HTT-AS: variants seen among roughly 807,000 people sequenced by gnomAD.
HTT-AS encodes the protein HTT antisense RNA (head to head).
downstream of HTT-AS, among the ~76,000 whole-genome samples, chr4:3,046,526 C>T (rs558737706): frequency 6.6e-6 from 1 of 152,316 alleles, no homozygotes; most frequent in African/African-American, 2.4e-5. Flanking sequence ...CCTTCTCAGG[C>T]CATATTTAGT....
chr4:3,061,590 G>A (rs191347512), intron 2 of HTT-AS, among the ~76,000 whole-genome samples: 2 of 151,370 alleles, frequency 1.3e-5, no homozygotes, highest in Admixed American at 6.6e-5. Context: ...GCTGAGGCAG[G>A]AGAATAGCTT....
chr4:3,073,649 G>A (rs1002300254), intron 1 of HTT-AS, among the ~76,000 whole-genome samples: 7 of 152,006 alleles, frequency 4.6e-5, no homozygotes, highest in African/African-American at 9.7e-5. Context: ...CCCTTCCGGG[G>A]CGCTGCGCTG....
intron 2 of HTT-AS, among the ~76,000 whole-genome samples, chr4:3,055,392 A>C (rs1375899265): frequency 2.6e-5 from 4 of 152,150 alleles, no homozygotes; most frequent in Non-Finnish European, 4.4e-5. Context: ...GAGGGCCTCT[A>C]ACCCAATCCC....
At chr4:3,060,801 C>A (rs1560530392) in intron 2 of HTT-AS, among the ~76,000 whole-genome samples, 2 of 152,162 alleles carry the variant, frequency 1.3e-5, no homozygotes, top group African/African-American at 4.8e-5. Context: ...ACATAGTGTC[C>A]CCCGAGTAGA....
chr4:3,060,826 A>G (rs1193496847), intron 2 of HTT-AS, among the ~76,000 whole-genome samples: 1 of 152,214 alleles, frequency 6.6e-6, no homozygotes, highest in Non-Finnish European at 1.5e-5. Flanking sequence ...AATTTGCATA[A>G]TAAAAGGTGA....
chr4:3,047,906 G>A (rs1711626340), downstream of HTT-AS, among the ~76,000 whole-genome samples: 1 of 152,194 alleles, frequency 6.6e-6, no homozygotes, highest in Admixed American at 6.5e-5. Flanking sequence ...TAATGACGTA[G>A]GCTGTCTCCT....
At chr4:3,068,674 A>C (rs1479495503) in intron 1 of HTT-AS, among the ~76,000 whole-genome samples, 1 of 145,576 alleles carries the variant, frequency 6.9e-6, no homozygotes, top group African/African-American at 2.6e-5. Context: ...TTTTTTGTCA[A>C]GATGGATTCT....
chr4:3,066,032 A>G (rs774174296), intron 1 of HTT-AS, among the ~76,000 whole-genome samples: 3 of 152,272 alleles, frequency 2.0e-5, no homozygotes, highest in Non-Finnish European at 4.4e-5. Flanking sequence ...CCAGACAAAC[A>G]TAAACATTAA....
At chr4:3,052,862 G>A (rs964508628) in intron 2 of HTT-AS, among the ~76,000 whole-genome samples, 2 of 152,188 alleles carry the variant, frequency 1.3e-5, no homozygotes, top group African/African-American at 4.8e-5. Context: ...CGGGCATGGC[G>A]GCATGCGCCT....
chr4:3,067,627 G>A (rs1334288354), intron 1 of HTT-AS, among the ~76,000 whole-genome samples: 1 of 152,182 alleles, frequency 6.6e-6, no homozygotes, highest in Non-Finnish European at 1.5e-5. Context: ...GAAATTGGAA[G>A]GGAACCGAGA....
At chr4:3,054,673 A>C (rs1008958518) in intron 2 of HTT-AS, among the ~76,000 whole-genome samples, 2 of 152,092 alleles carry the variant, frequency 1.3e-5, no homozygotes, top group Admixed American at 1.3e-4. Flanking sequence ...TTTTTTCCAG[A>C]AATTGAACAT....
intron 2 of HTT-AS, among the ~76,000 whole-genome samples, chr4:3,051,030 T>TGTGTG (rs1711692286): frequency 9.8e-5 from 12 of 122,554 alleles, no homozygotes; most frequent in South Asian, 6.0e-4. Context: ...CCCTTACAAT[T>TGTGTG]TGTGTGTGTG....
chr4:3,048,333 A>G (rs1328839815), downstream of HTT-AS, among the ~76,000 whole-genome samples: 1 of 152,224 alleles, frequency 6.6e-6, no homozygotes, highest in Non-Finnish European at 1.5e-5. Flanking sequence ...TCATGGTCAC[A>G]CATTTCTTTC....
intron 1 of HTT-AS, among the ~76,000 whole-genome samples, chr4:3,071,145 T>C (rs1228806976): frequency 1.3e-5 from 2 of 152,208 alleles, no homozygotes; most frequent in Non-Finnish European, 2.9e-5. Flanking sequence ...ATTGCCTCCC[T>C]GGATGGGTTG....
At chr4:3,051,654 A>T (rs776927743) in intron 2 of HTT-AS, among the ~76,000 whole-genome samples, 1 of 41,628 alleles carries the variant, frequency 2.4e-5, no homozygotes, top group Non-Finnish European at 5.9e-5. Flanking sequence ...TGAATGAATT[A>T]AAAAAAAAAA....
exon 2 of HTT-AS, among the ~76,000 whole-genome samples, chr4:3,062,544 C>G (rs1711950273): frequency 6.6e-6 from 1 of 152,066 alleles, no homozygotes; most frequent in Admixed American, 6.6e-5. Context: ...ACCGCCTTGA[C>G]AGTGAGAAAG....
At chr4:3,064,449 C>T (rs1712005694) in intron 1 of HTT-AS, among the ~76,000 whole-genome samples, 1 of 151,884 alleles carries the variant, frequency 6.6e-6, no homozygotes, top group South Asian at 2.1e-4. Context: ...AAAAATCTAA[C>T]CTAATTAAGA....
downstream of HTT-AS, among the ~76,000 whole-genome samples, chr4:3,046,572 C>T (rs977035397): frequency 6.6e-6 from 1 of 152,216 alleles, no homozygotes; most frequent in African/African-American, 2.4e-5. Context: ...GTCATTTTCT[C>T]AATTTTGAGA....
chr4:3,054,010 C>T lies in HTT-AS; in HGVS notation n.1381-4312G>A, dbSNP rs564575546. Among the ~76,000 whole-genome samples the T allele has an allele frequency of 4.1e-4, 63 of 151,820 alleles. 1 individual carries two copies. The South Asian group carries it at 0.013, about 30-fold the overall frequency. On this transcript the variant is annotated intron_variant and non_coding_transcript_variant, in intron 2 of 2. Transcript: ENST00000664062. Reference sequence around the variant, plus strand: ...CCTGACCTCATGATCCCCCCGCCTCCGCCTCCCAAAGTGCTGGGATTACAG... The same window carrying T: ...CCTGACCTCATGATCCCCCCGCCTCTGCCTCCCAAAGTGCTGGGATTACAG...
Sources: allele counts gnomAD v4.1 joint callset (sites outside exome capture counted in the v4.1 genomes callset), GRCh38; gene constraint gnomAD v4.1.1; transcripts MANE v1.5; gene names NCBI Gene and HGNC (gene_info 2026-07-23, HGNC 2026-07-21).